Variants in SYNE1 observed in about 807,000 individuals in gnomAD.
The protein encoded by SYNE1 is nesprin-1.
A neutral mutation model predicts 1,111.0 loss-of-function variants in SYNE1; 616 were observed. The ratio of observed to expected loss-of-function variants is 0.55; its 90% CI spans 0.52 to 0.59. SYNE1 has a LOEUF of 0.59. Ranked by LOEUF, SYNE1 falls within the 20% of genes least tolerant of loss-of-function variation. The pLI is 0.00. For synonymous variants in SYNE1, 3,855 were observed against 3,825.8 expected (o/e 1.01, Z -0.28); for missense variants, 10,006 against 10,417.0 (o/e 0.96, Z 1.72).
At chr6:152,181,281 G>A (rs140536225) in intron 128 of SYNE1, among the ~76,000 whole-genome samples, 403 of 152,122 alleles carry the variant, frequency 2.6e-3, no homozygotes, top group African/African-American at 8.8e-3. Flanking sequence ...GTATGGTGGC[G>A]CACACCTGTA....
chr6:152,316,618 TGTAAG>T, intron 87 of SYNE1: 2 of 544,610 alleles, frequency 3.7e-6, no homozygotes, highest in South Asian at 4.1e-5. Context: ...TGGGTCTTGG[TGTAAG>T]GTAGGTTTAG....
At chr6:152,153,774 A>G (rs997809854) in intron 133 of SYNE1, among the ~76,000 whole-genome samples, 9 of 152,232 alleles carry the variant, frequency 5.9e-5, no homozygotes, top group African/African-American at 2.2e-4. Flanking sequence ...TTAGTGGTAT[A>G]GTTACATATG....
At chr6:152,437,768 A>G (rs571770796) in intron 32 of SYNE1, among the ~76,000 whole-genome samples, 1 of 151,942 alleles carries the variant, frequency 6.6e-6, no homozygotes, top group Non-Finnish European at 1.5e-5. Context: ...ATTTTGATCA[A>G]CTCCCTTCTC....
At chr6:152,134,872 C>T in intron 142 of SYNE1, 1 of 523,782 alleles carries the variant, frequency 1.9e-6, no homozygotes, top group Non-Finnish European at 3.3e-6. Context: ...ATTTTTACAA[C>T]TGAGCAACAA....
intron 41 of SYNE1, 36 bp downstream of exon 41, chr6:152,416,351 A>G: frequency 6.2e-7 from 1 of 1,611,466 alleles, no homozygotes; most frequent in Non-Finnish European, 8.5e-7. Context: ...AATACAAAAG[A>G]AAAGAGACAA....
chr6:152,571,576 A>T (rs2099458492), intron 3 of SYNE1, among the ~76,000 whole-genome samples: 2 of 152,198 alleles, frequency 1.3e-5, no homozygotes. Flanking sequence ...ACCCTAAAAA[A>T]AAGGAAGGAA....
At position 152,301,851 on chromosome 6, in the gene SYNE1, GAC is replaced by G; in HGVS notation, c.17541+16_17541+17del. The G allele has an allele frequency of 6.3e-7, 1 of 1,595,290 alleles. No individual in the cohort carries two copies. The highest frequency in any genetic ancestry group is 1.7e-5 in the Admixed American group (1 of 58,266). On this transcript the variant is annotated intron_variant, in intron 92 of 145. Transcript: ENST00000367255. ...TCCAGTCAAAGAGCAAAGCCGCGGG[GAC>G]CCACTGGATCCTTACCATGACCACA...
intron 3 of SYNE1, among the ~76,000 whole-genome samples, chr6:152,602,372 C>T (rs1303628802): frequency 2.0e-5 from 3 of 152,092 alleles, no homozygotes; most frequent in Non-Finnish European, 4.4e-5. Flanking sequence ...ATCTACAAAC[C>T]AGGGAGAGAG....
At chr6:152,487,747 C>T (rs1264157137) in intron 12 of SYNE1, among the ~76,000 whole-genome samples, 4 of 152,072 alleles carry the variant, frequency 2.6e-5, no homozygotes, top group Non-Finnish European at 4.4e-5. Context: ...ACTCTTTGTT[C>T]TTGGTAGATT....
At chr6:152,593,695 T>A (rs2099573187) in intron 3 of SYNE1, among the ~76,000 whole-genome samples, 1 of 152,158 alleles carries the variant, frequency 6.6e-6, no homozygotes. Context: ...AGACTTGAGG[T>A]CAGACAGACT....
chr6:152,449,709 T>A, intron 27 of SYNE1, 68 bp from the exon 28 acceptor site: 1 of 1,235,302 alleles, frequency 8.1e-7, no homozygotes, highest in Non-Finnish European at 1.2e-6. Context: ...ATGTTTTCTA[T>A]TTTGAATTCA....
At chr6:152,217,395 C>CAAAAAAAAAAAAAAAAAA (rs926437470) in intron 121 of SYNE1, among the ~76,000 whole-genome samples, 1 of 41,256 alleles carries the variant, frequency 2.4e-5, no homozygotes, top group Non-Finnish European at 4.8e-5. Flanking sequence ...GACTCCGTCA[C>CAAAAAAAAAAAAAAAAAA]AAAAAAAAAA....
intron 13 of SYNE1, 31 bp from the exon 14 acceptor site, chr6:152,483,280 T>C: frequency 6.3e-7 from 1 of 1,593,814 alleles, no homozygotes; most frequent in South Asian, 1.1e-5. Flanking sequence ...AAGTAAAATA[T>C]CTTTAATACA....
chr6:152,403,678 C>G (rs908897810), intron 46 of SYNE1, among the ~76,000 whole-genome samples: 8 of 152,078 alleles, frequency 5.3e-5, no homozygotes, highest in African/African-American at 1.7e-4. Context: ...GCCGAGATTG[C>G]ACCACTGCAC....
At chr6:152,228,504 A>G (rs561352711) in intron 115 of SYNE1, among the ~76,000 whole-genome samples, 4 of 152,222 alleles carry the variant, frequency 2.6e-5, no homozygotes, top group Non-Finnish European at 5.9e-5. Context: ...AATGGCAGAA[A>G]AAGCTATGTT....
chr6:152,455,124 CTT>C (rs781118214), intron 24 of SYNE1, among the ~76,000 whole-genome samples: 12 of 152,120 alleles, frequency 7.9e-5, no homozygotes, highest in Non-Finnish European at 1.6e-4. Context: ...TTAAAAGAAT[CTT>C]TAGTTATAGA....
intron 47 of SYNE1, among the ~76,000 whole-genome samples, chr6:152,400,328 C>T (rs1267079102): frequency 1.3e-5 from 2 of 152,012 alleles, no homozygotes; most frequent in African/African-American, 4.8e-5. Context: ...TTGTCCTTTA[C>T]AGATAGCTAA....
At chr6:152,153,993 T>C (rs1343635249) in intron 133 of SYNE1, among the ~76,000 whole-genome samples, 1 of 152,220 alleles carries the variant, frequency 6.6e-6, no homozygotes, top group Non-Finnish European at 1.5e-5. Context: ...CTACATTTCA[T>C]TACATTTTCA....
chr6:152,378,021 A>T (rs993759203), intron 56 of SYNE1, among the ~76,000 whole-genome samples: 3 of 152,180 alleles, frequency 2.0e-5, no homozygotes, highest in Non-Finnish European at 2.9e-5. Context: ...GGCCATGGTC[A>T]TCTGAGTTAC....
Sources: gnomAD v4.1 joint callset for allele counts (sites outside exome capture counted in the v4.1 genomes callset) on GRCh38, gnomAD v4.1.1 for gene constraint, MANE v1.5 for transcripts, NCBI Gene and HGNC (gene_info 2026-07-23, HGNC 2026-07-21) for gene names.